Variants in CSMD2 observed in about 807,000 individuals in gnomAD.
CSMD2 encodes CUB and Sushi multiple domains 2.
A neutral mutation model predicts 398.5 loss-of-function variants in CSMD2; 130 were observed. The ratio of observed to expected loss-of-function variants is 0.33; its 90% CI spans 0.28 to 0.38. The LOEUF (loss-of-function observed/expected upper bound fraction) is 0.38. Among genes scored for constraint, CSMD2 ranks in the 10% least tolerant of loss-of-function variants. The pLI, the probability that CSMD2 is intolerant of heterozygous loss-of-function variation, is 1.00. For missense variants in CSMD2, 3,829 were observed against 4,764.9 expected (o/e 0.80, Z 5.78); for synonymous variants, 1,828 against 1,908.5 (o/e 0.96, Z 1.10).
intron 32 of CSMD2, among the ~76,000 whole-genome samples, chr1:33,628,062 C>T (rs901826858): frequency 1.3e-5 from 2 of 152,194 alleles, no homozygotes; most frequent in South Asian, 4.1e-4. Context: ...AGGCAAAACT[C>T]TCAGCAGATG....
intron 1 of CSMD2, among the ~76,000 whole-genome samples, chr1:34,112,224 G>A (rs1370050880): frequency 2.0e-5 from 3 of 152,122 alleles, no homozygotes; most frequent in Admixed American, 2.0e-4. Flanking sequence ...GATCAGGCTG[G>A]GCATGTGGAG....
intron 3 of CSMD2, among the ~76,000 whole-genome samples, chr1:33,943,106 A>G (rs938266863): frequency 6.6e-6 from 1 of 152,224 alleles, no homozygotes; most frequent in Admixed American, 6.5e-5. Flanking sequence ...CCACCAAGGC[A>G]CAGGCAAACA....
At chr1:33,612,694 T>C (rs1641091615) in intron 40 of CSMD2, among the ~76,000 whole-genome samples, 1 of 151,782 alleles carries the variant, frequency 6.6e-6, no homozygotes, top group Non-Finnish European at 1.5e-5. Context: ...TTTTTTTTTT[T>C]TTTTTGAGAC....
At chr1:33,964,072 AAAAG>A (rs1169939363) in intron 3 of CSMD2, among the ~76,000 whole-genome samples, 1 of 152,166 alleles carries the variant, frequency 6.6e-6, no homozygotes, top group Non-Finnish European at 1.5e-5. Context: ...GCAGATTTTT[AAAAG>A]ATCCTTGGGT....
chr1:34,132,690 G>T (rs561575237), intron 1 of CSMD2, among the ~76,000 whole-genome samples: 1 of 152,194 alleles, frequency 6.6e-6, no homozygotes, highest in Non-Finnish European at 1.5e-5. Context: ...ACAGAGAAGA[G>T]GCAAATTCTC....
intron 66 of CSMD2, among the ~76,000 whole-genome samples, chr1:33,524,591 A>G (rs1322861141): frequency 6.6e-6 from 1 of 151,998 alleles, no homozygotes; most frequent in Non-Finnish European, 1.5e-5. Flanking sequence ...TGTACTTGGG[A>G]TCCTGGGAAG....
chr1:33,888,276 T>C (rs1157977495), intron 5 of CSMD2, among the ~76,000 whole-genome samples: 1 of 152,162 alleles, frequency 6.6e-6, no homozygotes, highest in Non-Finnish European at 1.5e-5. Flanking sequence ...CTAAAATTCA[T>C]CTGGAAAAGT....
At chr1:33,591,114 G>A (rs375380887) in intron 44 of CSMD2, among the ~76,000 whole-genome samples, 12 of 145,114 alleles carry the variant, frequency 8.3e-5, no homozygotes, top group African/African-American at 2.0e-4. Flanking sequence ...TCACCCTCCC[G>A]AGTAGCTGGG....
At position 33,771,197 on chromosome 1, in the gene CSMD2, G is replaced by C. The variant is rs1160338832; in HGVS notation, c.1846+1372C>G. On this transcript the variant is annotated intron_variant, in intron 13 of 70. Coordinates refer to ENST00000373381, the MANE Select transcript of CSMD2 (RefSeq NM_001281956.2). ...CCCCATGGCACCTGGGGCTCCCACT[G>C]TGTGTACCTTTATCTTCTCAGGCCC... 2.0e-5 allele frequency among the ~76,000 whole-genome samples: 3 copies of C among 152,292 alleles called. No homozygotes were observed. In the East Asian group the frequency reaches 5.8e-4, roughly 29 times the overall value.
intron 1 of CSMD2, among the ~76,000 whole-genome samples, chr1:34,150,717 A>G (rs1041997384): frequency 3.3e-5 from 5 of 151,998 alleles, no homozygotes; most frequent in African/African-American, 7.2e-5. Context: ...GTGCAAGACT[A>G]GCCCGGGCAA....
At chr1:34,102,949 A>G (rs77537642) in intron 1 of CSMD2, among the ~76,000 whole-genome samples, 2,653 of 152,252 alleles carry the variant, frequency 0.017, 43 homozygotes, top group East Asian at 0.054. Flanking sequence ...TACAATCTCC[A>G]TGAGAGTGGG....
rs757688201 is a variant in CSMD2, at chr1:33,542,749, G to A, written c.9248C>T (p.Thr3083Ile). 2 of 1,614,016 alleles carry A rather than the reference G, an allele frequency of 1.2e-6. No individual in the cohort carries two copies. The highest frequency in any genetic ancestry group is 1.7e-6 in the Non-Finnish European group (2 of 1,179,994). Residue 3083 changes from threonine to isoleucine, a missense_variant, in exon 58 of 71, where the codon ACC (threonine) becomes ATC (isoleucine). Around this residue, in one of 5 missense-constraint regions of CSMD2, gnomAD observed 917 missense variants for 1,199.5 expected, o/e 0.76. Transcript: ENST00000373381. ...LLSRHCSVNG[T>I]WTGSDPECLV... is the part of the protein sequence containing the mutation. ...GCACTCAGGGTCACTGCCTGTCCAG[G>A]TACCATTGACCGAGCAGTGACGGCT...
chr1:33,533,964 C>T lies in CSMD2; in HGVS notation c.9880-57G>A. On this transcript the variant is annotated intron_variant, in intron 62 of 70. Coordinates refer to ENST00000373381, the MANE Select transcript of CSMD2 (RefSeq NM_001281956.2). The surrounding 1 kb of genome is among the most constrained non-coding windows in gnomAD (Gnocchi z 4.2). ...TTCCTTTCAGCGGTGCTTCCTACGT[C>T]TGTCCCTTGACCACTTTCACATGGC... is the stretch of plus-strand genomic sequence containing the variant. 1 of 1,117,832 alleles carries T rather than the reference C, an allele frequency of 8.9e-7. No individual in the cohort carries two copies. The highest frequency in any genetic ancestry group is 1.4e-6 in the Non-Finnish European group (1 of 738,876). 69.2% of individuals were successfully genotyped at this position (1,117,832 alleles called of 1,614,324 possible). A position where few individuals can be genotyped will look rare whatever the true frequency, so the allele number is the denominator to read the frequency against.
intron 1 of CSMD2, among the ~76,000 whole-genome samples, chr1:34,092,978 G>A (rs1199647577): frequency 6.6e-6 from 1 of 152,122 alleles, no homozygotes; most frequent in African/African-American, 2.4e-5. Flanking sequence ...CAAAAAGACA[G>A]CAGTAACCTC....
intron 28 of CSMD2, among the ~76,000 whole-genome samples, chr1:33,650,550 T>A (rs1037239568): frequency 3.8e-5 from 5 of 130,604 alleles, no homozygotes; most frequent in Admixed American, 1.6e-4. Context: ...TAGGATGGGG[T>A]GGGCTTAGGA....
In CSMD2 at chr1:34,083,782, G is replaced by C. The variant is rs555640112; in HGVS notation, c.404+5195C>G. Among the ~76,000 whole-genome samples the C allele has an allele frequency of 3.1e-3, 465 of 152,148 alleles. 3 individuals carry two copies. The highest frequency in any genetic ancestry group is 2.8e-3 in the Non-Finnish European group (191 of 67,994). ...AAGAGTGCAAAAATTAGCCAGGCGT[G>C]GGGGCTCATGCCTGTAGTCCCAGCT... On this transcript the variant is annotated intron_variant, in intron 2 of 70. Transcript: ENST00000373381.
chr1:33,774,310 A>G (rs1003230235), intron 12 of CSMD2, among the ~76,000 whole-genome samples: 5 of 152,036 alleles, frequency 3.3e-5, no homozygotes, highest in Non-Finnish European at 7.4e-5. Context: ...ATCTGCTGAA[A>G]ACATAGCTGA....
At position 34,149,578 on chromosome 1, in the gene CSMD2, G is replaced by GA. The variant is rs547070220; in HGVS notation, c.187+15332dup. Among the ~76,000 whole-genome samples the GA allele has an allele frequency of 4.7e-4, 72 of 152,358 alleles. 1 individual carries two copies. The South Asian group carries it at 0.012, about 25-fold the overall frequency. On this transcript the variant is annotated intron_variant, in intron 1 of 70. Coordinates refer to ENST00000373381, the MANE Select transcript of CSMD2 (RefSeq NM_001281956.2). ...TCACCTAACAAATCCAGGGCTGGAG[G>GA]AAAGACTTAGTGATTCAGGAGCTCC...
At chr1:33,877,141 G>GGGCC (rs1243688001) in intron 5 of CSMD2, among the ~76,000 whole-genome samples, 19 of 152,330 alleles carry the variant, frequency 1.2e-4, no homozygotes, top group African/African-American at 4.6e-4. Context: ...GAGAGGAAAT[G>GGGCC]GGCCACACCT....
Sources: gnomAD v4.1 joint callset for allele counts (sites outside exome capture counted in the v4.1 genomes callset) on GRCh38, gnomAD v4.1.1 for gene constraint, gnomAD v4.1.1 regional missense constraint, Gnocchi (gnomAD v3.1) non-coding constraint, MANE v1.5 for transcripts, NCBI Gene and HGNC (gene_info 2026-07-23, HGNC 2026-07-21) for gene names.